RYR3: variants seen among roughly 807,000 people sequenced by gnomAD.
The protein encoded by RYR3 is ryanodine receptor 3.
A neutral mutation model predicts 584.3 loss-of-function variants in RYR3; 207 were observed. The ratio of observed to expected loss-of-function variants is 0.35; its 90% CI spans 0.32 to 0.40. The LOEUF (loss-of-function observed/expected upper bound fraction) is 0.40. RYR3 is among the 10% of genes least tolerant of loss of function. The pLI is 1.00. For synonymous variants in RYR3, 2,416 were observed against 2,248.5 expected, an observed-to-expected ratio of 1.07 and a Z score of -2.11; for missense variants, 5,616 against 6,089.2, an observed-to-expected ratio of 0.92 and a Z score of 2.59.
At chr15:33,753,311 A>C (rs577145824) in intron 57 of RYR3, among the ~76,000 whole-genome samples, 4 of 152,320 alleles carry the variant, frequency 2.6e-5, no homozygotes, top group Non-Finnish European at 4.4e-5. Flanking sequence ...GAACAAAGGG[A>C]ATTGATTATT....
intron 3 of RYR3, among the ~76,000 whole-genome samples, chr15:33,511,009 T>C (rs1172123163): frequency 6.6e-6 from 1 of 152,228 alleles, no homozygotes; most frequent in Non-Finnish European, 1.5e-5. Flanking sequence ...AGACCTTACT[T>C]CATGGTAAGA....
At position 33,379,666 on chromosome 15, in the gene RYR3, C is replaced by CCTCTCTCTCT. The variant is rs72425368; in HGVS notation, c.51+68583_51+68592dup. On this transcript the variant is annotated intron_variant, in intron 1 of 103. Coordinates refer to ENST00000634891, the MANE Select transcript of RYR3 (RefSeq NM_001036.6). ...GTATGTGTGTGTGTGTGTGTGTGTC[C>CCTCTCTCTCT]CTCTCTCTCTCTCTCTCTCTCTATA... 4.3e-4 allele frequency among the ~76,000 whole-genome samples: 55 copies of CCTCTCTCTCT among 129,312 alleles called. 1 individual carries two copies. The highest frequency in any genetic ancestry group is 1.3e-3 in the African/African-American group (39 of 29,794). 84.8% of individuals were successfully genotyped at this position (129,312 alleles called of 152,430 possible).
chr15:33,860,218 A>C (rs1284324626), intron 100 of RYR3, among the ~76,000 whole-genome samples: 1 of 152,198 alleles, frequency 6.6e-6, no homozygotes, highest in Non-Finnish European at 1.5e-5. Flanking sequence ...GAGGGCTAAG[A>C]AGTGAAGTAA....
At chr15:33,438,055 C>T (rs1463350094) in intron 1 of RYR3, among the ~76,000 whole-genome samples, 1 of 152,154 alleles carries the variant, frequency 6.6e-6, no homozygotes, top group Non-Finnish European at 1.5e-5. Context: ...CTCTCCTCTT[C>T]AGAGATAACC....
chr15:33,643,278 G>T (rs1423899595), intron 27 of RYR3, among the ~76,000 whole-genome samples: 1 of 152,078 alleles, frequency 6.6e-6, no homozygotes, highest in African/African-American at 2.4e-5. Context: ...AGCCTCCAGC[G>T]GTCCTCCAGC....
Position 33,810,974 on chromosome 15 carries a change from A to G in RYR3, c.10198-4A>G, listed in dbSNP as rs2076502485. ...GGAATAAAATCTGACATCTCTTTCC[A>G]CAGAGGGACACAGATGAAGAGGTCA... On this transcript the variant is annotated splice_region_variant and splice_polypyrimidine_tract_variant and intron_variant, in intron 71 of 103. Transcript: ENST00000634891. 3 of 1,604,644 alleles carry G rather than the reference A, an allele frequency of 1.9e-6. No homozygotes were observed.
At chr15:33,573,230 G>A (rs982697901) in intron 12 of RYR3, among the ~76,000 whole-genome samples, 3 of 152,064 alleles carry the variant, frequency 2.0e-5, no homozygotes, top group Admixed American at 2.0e-4. Context: ...ATGCTGAGGG[G>A]GTGTGGGCTG....
rs113760785 is a variant in RYR3, at chr15:33,523,373, C to G, written c.280-7219C>G. Among the ~76,000 whole-genome samples, 189 of 152,282 alleles carry G rather than the reference C, an allele frequency of 1.2e-3. 1 individual carries two copies. Among genetic ancestry groups the G allele is most frequent in the African/African-American group, 4.3e-3 (180 of 41,550 alleles). On this transcript the variant is annotated intron_variant, in intron 3 of 103. Transcript: ENST00000634891. ...CACACTACCTTTATGAGCTGTAACA[C>G]TCACTGCGAGGGTCTGAAGCTTCAT...
chr15:33,316,342 A>G (rs1170257873), intron 1 of RYR3, among the ~76,000 whole-genome samples: 1 of 152,160 alleles, frequency 6.6e-6, no homozygotes, highest in Non-Finnish European at 1.5e-5. Context: ...CATCAACTCC[A>G]TCATCTTCTA....
chr15:33,616,890 T>C (rs2060478347), intron 19 of RYR3, among the ~76,000 whole-genome samples: 2 of 152,234 alleles, frequency 1.3e-5, no homozygotes, highest in South Asian at 4.1e-4. Context: ...ATGATGACCT[T>C]GGTCAGGGTC....
At chr15:33,650,751 A>C (rs534466730) in intron 31 of RYR3, among the ~76,000 whole-genome samples, 91 of 152,172 alleles carry the variant, frequency 6.0e-4, no homozygotes, top group Non-Finnish European at 1.2e-3. Context: ...CTCTGTGAAC[A>C]CTGTATTTTC....
At chr15:33,697,850 G>A (rs780006539) in intron 39 of RYR3, 32 bp from the exon 40 acceptor site, 4 of 1,355,616 alleles carry the variant, frequency 3.0e-6, no homozygotes, top group East Asian at 4.6e-5. Context: ...AAATAAGCAG[G>A]TGCTGAAGAC....
intron 17 of RYR3, among the ~76,000 whole-genome samples, chr15:33,601,774 T>C (rs2059675900): frequency 6.6e-6 from 1 of 152,242 alleles, no homozygotes; most frequent in African/African-American, 2.4e-5. Context: ...TAGCTGAGGA[T>C]AGAGTATGTG....
chr15:33,641,586 T>C (rs1183781366), intron 27 of RYR3, among the ~76,000 whole-genome samples: 1 of 152,196 alleles, frequency 6.6e-6, no homozygotes, highest in Non-Finnish European at 1.5e-5. Flanking sequence ...CGAATCGTTT[T>C]CTCCAAGAGA....
chr15:33,750,144 C>G lies in RYR3; in HGVS notation c.8276-19C>G. On this transcript the variant is annotated intron_variant, in intron 56 of 103. Transcript: ENST00000634891. ...GCAAAGGAAGAGCCAAATGTCATCT[C>G]TCACCTTACTGACCCCAGGTGGTGG... 6.2e-7 allele frequency: 1 copy of G among 1,608,624 alleles called. No individual in the cohort carries two copies. The highest frequency in any genetic ancestry group is 8.5e-7 in the Non-Finnish European group (1 of 1,177,552).
chr15:33,862,482 CG>C (rs1888652976), intron 102 of RYR3, among the ~76,000 whole-genome samples: 1 of 152,158 alleles, frequency 6.6e-6, no homozygotes, highest in African/African-American at 2.4e-5. Flanking sequence ...GCTGGGATTA[CG>C]GGTGTGAGCC....
intron 3 of RYR3, among the ~76,000 whole-genome samples, chr15:33,515,611 A>G (rs779963490): frequency 6.6e-6 from 1 of 152,122 alleles, no homozygotes; most frequent in Non-Finnish European, 1.5e-5. Flanking sequence ...AATACTATTT[A>G]TTGCATTTGC....
chr15:33,381,191 A>G (rs1210762034), intron 1 of RYR3, among the ~76,000 whole-genome samples: 3 of 152,144 alleles, frequency 2.0e-5, no homozygotes, highest in African/African-American at 7.2e-5. Context: ...CAATGTTTCC[A>G]ACGCCTTCCT....
At chr15:33,727,698 C>T (rs913766935) in intron 46 of RYR3, among the ~76,000 whole-genome samples, 5 of 152,144 alleles carry the variant, frequency 3.3e-5, no homozygotes, top group African/African-American at 9.7e-5. Context: ...CTGGGCAGGA[C>T]GAGAGTCTGG....
Sources: gnomAD v4.1 joint callset for allele counts (sites outside exome capture counted in the v4.1 genomes callset) on GRCh38, gnomAD v4.1.1 for gene constraint, MANE v1.5 for transcripts, NCBI Gene and HGNC (gene_info 2026-07-23, HGNC 2026-07-21) for gene names.